C11orf54: variants seen among roughly 807,000 people sequenced by gnomAD.
The protein encoded by C11orf54 is beta-keto L-gulonate decarboxylase.
In C11orf54, 29 loss-of-function variants were observed where a neutral mutation model predicts 35.5. The observed-to-expected ratio is 0.82, with a 90% CI of 0.61 to 1.11. C11orf54 has a LOEUF of 1.11. Among genes scored for constraint, C11orf54 ranks in the 50% most tolerant of loss-of-function variants. C11orf54 has a pLI of 0.00. For synonymous variants in C11orf54, 108 were observed against 121.1 expected (o/e 0.89, Z 0.71); for missense variants, 373 against 369.2 (o/e 1.01, Z -0.08).
chr11:93,761,352 T>C (rs1055240467), intron 8 of C11orf54, among the ~76,000 whole-genome samples, 163 bp from the exon 9 acceptor site: 5 of 152,202 alleles, frequency 3.3e-5, no homozygotes, highest in Non-Finnish European at 5.9e-5. Flanking sequence ...GAGAAGAAGA[T>C]ACATTTTACT....
intron 7 of C11orf54, among the ~76,000 whole-genome samples, chr11:93,759,307 AT>A (rs1256517126): frequency 1.3e-5 from 2 of 152,364 alleles, no homozygotes; most frequent in Non-Finnish European, 2.9e-5. Flanking sequence ...ATGGAATACT[AT>A]GCAGCCATAA....
intron 5 of C11orf54, chr11:93,754,864 G>A (rs1340987519): frequency 6.3e-6 from 1 of 157,604 alleles, no homozygotes; most frequent in Non-Finnish European, 1.4e-5. Context: ...CTCTTGAGTA[G>A]CTGGGACTAC....
At chr11:93,746,185 C>G (rs1166383794) in intron 1 of C11orf54, 2 of 152,128 alleles carry the variant, frequency 1.3e-5, no homozygotes, top group African/African-American at 2.4e-5. Context: ...ACCTGTGAAT[C>G]TTTGGAAAAT....
Position 93,763,973 on chromosome 11 carries a change from G to T in C11orf54, c.*2285G>T, listed in dbSNP as rs1943567935. 6.6e-6 allele frequency: 1 copy of T among 152,224 alleles called. No homozygotes were observed. The highest frequency in any genetic ancestry group is 2.4e-5 in the African/African-American group (1 of 41,444). 9.4% of individuals were successfully genotyped at this position (152,224 alleles called of 1,614,324 possible). ...GTTTGAATTTCCCACTGGTATCAAA[G>T]AAGGAAACACCCAGGCTTGCTTGCT... On this transcript the variant is annotated 3_prime_UTR_variant, in exon 9 of 9. Coordinates refer to ENST00000354421, the MANE Select transcript of C11orf54 (RefSeq NM_001286069.2).
rs566177385 is a variant in C11orf54, at chr11:93,758,088, C to T, written c.657+623C>T. 2.1e-4 allele frequency among the ~76,000 whole-genome samples: 32 copies of T among 152,238 alleles called. 1 individual carries two copies. The highest frequency in any genetic ancestry group is 3.2e-4 in the Non-Finnish European group (22 of 67,994). ...ACTTTGGGAGGCCCAGGTGGGAGGA[C>T]CGCTGGAGGCCAGGAATTCAAAACC... On this transcript the variant is annotated intron_variant, in intron 7 of 8. Transcript: ENST00000354421.
At chr11:93,749,504 C>CAAAAAAAAAAAA (rs10624807) in intron 2 of C11orf54, among the ~76,000 whole-genome samples, 2 of 71,742 alleles carry the variant, frequency 2.8e-5, no homozygotes, top group African/African-American at 6.3e-5. Context: ...GACTCTGTCT[C>CAAAAAAAAAAAA]AAAAAAAAAA....
chr11:93,749,143 C>CAAA (rs879164036), intron 2 of C11orf54, among the ~76,000 whole-genome samples: 3 of 54,180 alleles, frequency 5.5e-5, no homozygotes, highest in Non-Finnish European at 7.7e-5. Flanking sequence ...GACTCCATCT[C>CAAA]AAAAAAAAAA....
chr11:93,758,986 G>C (rs1458636521), intron 7 of C11orf54, among the ~76,000 whole-genome samples: 1 of 152,232 alleles, frequency 6.6e-6, no homozygotes, highest in Non-Finnish European at 1.5e-5. Context: ...CTGGGTGACA[G>C]AGCCAGACCC....
intron 2 of C11orf54, among the ~76,000 whole-genome samples, chr11:93,749,546 A>G (rs548000970): frequency 6.9e-6 from 1 of 145,024 alleles, no homozygotes; most frequent in East Asian, 2.1e-4. Context: ...GCTAGGTGTG[A>G]TGGCTCATTG....
intron 2 of C11orf54, 50 bp from the exon 3 acceptor site, chr11:93,750,296 A>AG (rs767732307): frequency 6.7e-7 from 1 of 1,490,118 alleles, no homozygotes; most frequent in Non-Finnish European, 9.3e-7. Flanking sequence ...GATACGTGGT[A>AG]GCCAAGTTTT....
At chr11:93,748,427 C>T (rs1942603329) in intron 2 of C11orf54, among the ~76,000 whole-genome samples, 1 of 152,112 alleles carries the variant, frequency 6.6e-6, no homozygotes, top group Non-Finnish European at 1.5e-5. Flanking sequence ...GGATTACAGG[C>T]ATGAGCCACC....
At chr11:93,761,188 C>G (rs1943445719) in intron 8 of C11orf54, among the ~76,000 whole-genome samples, 1 of 151,900 alleles carries the variant, frequency 6.6e-6, no homozygotes, top group African/African-American at 2.4e-5. Flanking sequence ...GATCTCAAAA[C>G]TATATTGTTA....
chr11:93,757,352 C>T lies in C11orf54; in HGVS notation c.544C>T (p.Leu182Phe), dbSNP rs1445307696. 9 of 1,598,238 alleles carry T rather than the reference C, an allele frequency of 5.6e-6. No homozygotes were observed. The highest frequency in any genetic ancestry group is 7.6e-6 in the Non-Finnish European group (9 of 1,179,768). Residue 182 changes from leucine to phenylalanine, a missense_variant, in exon 7 of 9, where the codon CTT (leucine) becomes TTT (phenylalanine). By Grantham distance (22) the Leu-to-Phe change is conservative (BLOSUM62 0). Coordinates refer to ENST00000354421, the MANE Select transcript of C11orf54 (RefSeq NM_001286069.2). ...EVKAKRRTGP[L>F]NFVTCMRETL... is the part of the protein sequence containing the mutation. ...GAAAGCCAAAAGAAGAACTGGACCA[C>T]TTAACTTTGTGACTTGTATGAGAGA...
chr11:93,743,793 C>T (rs1435107052), intron 1 of C11orf54, among the ~76,000 whole-genome samples: 1 of 152,186 alleles, frequency 6.6e-6, no homozygotes, highest in African/African-American at 2.4e-5. Context: ...GATAGTTGGT[C>T]TACCCCTCCA....
chr11:93,742,852 A>G (rs1411649675), intron 1 of C11orf54: 1 of 152,164 alleles, frequency 6.6e-6, no homozygotes, highest in African/African-American at 2.4e-5. Context: ...CAGCAAGCCT[A>G]GCTGTGTAAT....
intron 3 of C11orf54, 118 bp downstream of exon 3, chr11:93,750,562 G>C (rs1942760764): frequency 1.3e-6 from 1 of 797,720 alleles, no homozygotes; most frequent in African/African-American, 1.7e-5. Flanking sequence ...ACAACATTTA[G>C]GCTAAATTGT....
rs1943539697 is a variant in C11orf54, at chr11:93,762,940, A to G, written c.*1252A>G. The G allele has an allele frequency of 6.6e-6, 1 of 152,240 alleles. No individual in the cohort carries two copies. Among genetic ancestry groups the G allele is most frequent in the Non-Finnish European group, 1.5e-5 (1 of 68,044 alleles). 9.4% of individuals were successfully genotyped at this position (152,240 alleles called of 1,614,324 possible). ...GGCAATCTAGCTAATGTGCAAATTT[A>G]GGAAGTCTTCAGTACTAAGTACATA... On this transcript the variant is annotated 3_prime_UTR_variant, in exon 9 of 9. Coordinates refer to ENST00000354421, the MANE Select transcript of C11orf54 (RefSeq NM_001286069.2).
At chr11:93,754,147 C>A in intron 5 of C11orf54, 110 bp downstream of exon 5, 1 of 887,314 alleles carries the variant, frequency 1.1e-6, no homozygotes, top group Admixed American at 2.2e-5. Context: ...AATCTCTCTG[C>A]AGGTTTGATA....
Position 93,754,049 on chromosome 11 carries a change from T to A in C11orf54, c.330+12T>A, listed in dbSNP as rs1465828350. On this transcript the variant is annotated intron_variant, in intron 5 of 8. Transcript: ENST00000354421. ...GGTTCAATTCTGAGGTCAGCATATA[T>A]AAGAAAATTATTTTACTTTATTGGT... is the stretch of plus-strand genomic sequence containing the variant. 3.8e-6 allele frequency: 6 copies of A among 1,598,596 alleles called. No individual in the cohort carries two copies. Among genetic ancestry groups the A allele is most frequent in the Non-Finnish European group, 5.1e-6 (6 of 1,171,806 alleles).
Sources: gnomAD v4.1 joint callset for allele counts (sites outside exome capture counted in the v4.1 genomes callset) on GRCh38, gnomAD v4.1.1 for gene constraint, MANE v1.5 for transcripts, NCBI Gene and HGNC (gene_info 2026-07-23, HGNC 2026-07-21) for gene names.